Variants in DCDC2 observed in about 807,000 individuals in gnomAD.
DCDC2 encodes the protein doublecortin domain containing 2, also known as doublecortin domain-containing protein 2.
A neutral mutation model predicts 50.2 loss-of-function variants in DCDC2; 40 were observed. The observed-to-expected ratio is 0.80, with a 90% CI of 0.62 to 1.04. DCDC2 has a LOEUF of 1.04. Ranked by LOEUF, DCDC2 falls within the 50% of genes least tolerant of loss-of-function variation. DCDC2 has a pLI of 0.00. For synonymous variants in DCDC2, 234 were observed against 210.6 expected, an observed-to-expected ratio of 1.11 and a Z score of -0.96; for missense variants, 570 against 581.9, an observed-to-expected ratio of 0.98 and a Z score of 0.21.
intron 7 of DCDC2, among the ~76,000 whole-genome samples, chr6:24,238,078 G>GT (rs140189124): frequency 0.057 from 3,204 of 55,926 alleles, 148 homozygotes; most frequent in Middle Eastern, 0.11. Context: ...AAAATAAAAG[G>GT]TTTTTTTTTT....
At chr6:24,185,617 A>C (rs2113745875) in intron 8 of DCDC2, among the ~76,000 whole-genome samples, 1 of 152,084 alleles carries the variant, frequency 6.6e-6, no homozygotes, top group South Asian at 2.1e-4. Context: ...ATTATTAAAG[A>C]TGTTTCCAGT....
rs1201134286 is a variant in DCDC2 at position 24,189,133 on chromosome 6, T to A, written c.1024-10501A>T. 3.9e-5 allele frequency among the ~76,000 whole-genome samples: 6 copies of A among 152,290 alleles called. No homozygotes were observed. The South Asian group carries it at 6.2e-4, about 16-fold the overall frequency. On this transcript the variant is annotated intron_variant, in intron 8 of 9. Coordinates refer to ENST00000378454, the MANE Select transcript of DCDC2 (RefSeq NM_016356.5). ...TGAGTGTATTTTGCCTGAGTTTGCC[T>A]CCATGTGTATCTTGCTATTTATTTT...
At chr6:24,325,313 G>A (rs1440412307) in intron 2 of DCDC2, among the ~76,000 whole-genome samples, 3 of 149,620 alleles carry the variant, frequency 2.0e-5, no homozygotes, top group Non-Finnish European at 4.5e-5. Flanking sequence ...TCCTCTGGGC[G>A]AAAGGAAAAT....
chr6:24,256,454 G>T (rs1762899838), intron 7 of DCDC2, among the ~76,000 whole-genome samples: 1 of 151,900 alleles, frequency 6.6e-6, no homozygotes, highest in Middle Eastern at 3.4e-3. Context: ...CTTTACAGAG[G>T]TAGTCAAGTT....
chr6:24,303,006 C>T (rs79663583), intron 2 of DCDC2, among the ~76,000 whole-genome samples: 4,680 of 152,084 alleles, frequency 0.031, 212 homozygotes, highest in African/African-American at 0.1. Flanking sequence ...CACCATTTTT[C>T]TCCTTTTCTG....
intron 4 of DCDC2, among the ~76,000 whole-genome samples, chr6:24,301,264 G>A (rs373383987): frequency 6.6e-6 from 1 of 151,424 alleles, no homozygotes; most frequent in Non-Finnish European, 1.5e-5. Context: ...CCAGCTACTC[G>A]GGAGGCTGAG....
chr6:24,253,778 GAGTC>G (rs1357882215), intron 7 of DCDC2, among the ~76,000 whole-genome samples: 1 of 152,200 alleles, frequency 6.6e-6, no homozygotes, highest in East Asian at 1.9e-4. Context: ...TGCTCTGGGT[GAGTC>G]AGTGAGTCAG....
chr6:24,266,576 C>G (rs746420983), intron 7 of DCDC2, among the ~76,000 whole-genome samples: 5 of 152,112 alleles, frequency 3.3e-5, no homozygotes, highest in Non-Finnish European at 5.9e-5. Flanking sequence ...AGATGCTCAA[C>G]ATTATTGATC....
chr6:24,364,178 C>G, the DCDC2 span, among the ~76,000 whole-genome samples: 10 of 152,130 alleles, frequency 6.6e-5, no homozygotes, highest in African/African-American at 2.2e-4. Flanking sequence ...CTTCTCTACC[C>G]CACTCCCCAG....
Position 24,247,350 on chromosome 6 carries a change from A to AT in DCDC2, c.922+30698_922+30699insA, listed in dbSNP as rs1762701490. 8.6e-5 allele frequency among the ~76,000 whole-genome samples: 13 copies of AT among 150,602 alleles called. No individual in the cohort carries two copies. The South Asian group carries it at 1.9e-3, about 22-fold the overall frequency. On this transcript the variant is annotated intron_variant, in intron 7 of 9. Coordinates refer to ENST00000378454, the MANE Select transcript of DCDC2 (RefSeq NM_016356.5). ...TTAACTATTTTTATATATATATATA[A>AT]AATCACAGCAAATACCCATAACTTG...
At chr6:24,305,298 T>C (rs1327697937) in intron 2 of DCDC2, among the ~76,000 whole-genome samples, 1 of 152,182 alleles carries the variant, frequency 6.6e-6, no homozygotes, top group Non-Finnish European at 1.5e-5. Flanking sequence ...CAAATGTTCA[T>C]GATTAACCAG....
chr6:24,239,805 G>C (rs1762528251), intron 7 of DCDC2, among the ~76,000 whole-genome samples: 1 of 152,138 alleles, frequency 6.6e-6, no homozygotes, highest in Non-Finnish European at 1.5e-5. Flanking sequence ...AGAATTTTGT[G>C]GGTGTCTGTG....
chr6:24,260,729 A>G (rs946990), intron 7 of DCDC2, among the ~76,000 whole-genome samples: 150,892 of 152,356 alleles, frequency 0.99, 74,739 homozygotes, highest in Middle Eastern at 1. Context: ...CTCTGTTTTA[A>G]CTAGCAAACC....
At chr6:24,331,003 A>G (rs184086637) in intron 2 of DCDC2, among the ~76,000 whole-genome samples, 39 of 152,348 alleles carry the variant, frequency 2.6e-4, no homozygotes, top group Non-Finnish European at 1.8e-4. Flanking sequence ...CAAAAAAATG[A>G]AGGCTTCTTC....
intron 1 of DCDC2, among the ~76,000 whole-genome samples, chr6:24,354,329 A>G (rs1374770346): frequency 6.6e-6 from 1 of 152,180 alleles, no homozygotes; most frequent in Non-Finnish European, 1.5e-5. Flanking sequence ...CTTCATACAT[A>G]AAATGTGCTA....
intron 2 of DCDC2, among the ~76,000 whole-genome samples, chr6:24,331,304 T>A (rs1314405824): frequency 6.6e-6 from 1 of 151,954 alleles, no homozygotes; most frequent in African/African-American, 2.4e-5. Flanking sequence ...TATACCTTTT[T>A]TTTTTTTTAA....
the DCDC2 span, among the ~76,000 whole-genome samples, chr6:24,375,923 C>T: frequency 6.6e-6 from 1 of 152,052 alleles, no homozygotes; most frequent in Non-Finnish European, 1.5e-5. Context: ...GCTGGAGTCT[C>T]AGCTGTATCT....
At chr6:24,261,924 C>T (rs954288116) in intron 7 of DCDC2, among the ~76,000 whole-genome samples, 7 of 152,096 alleles carry the variant, frequency 4.6e-5, no homozygotes, top group Admixed American at 2.0e-4. Context: ...TGGAGCAAGA[C>T]GACCAAATAA....
At chr6:24,212,103 G>C (rs1761884556) in intron 7 of DCDC2, among the ~76,000 whole-genome samples, 2 of 152,252 alleles carry the variant, frequency 1.3e-5, no homozygotes, top group Admixed American at 1.3e-4. Context: ...ACCGTATTGT[G>C]AACTGCACAT....
Sources: gnomAD v4.1 joint callset for allele counts (sites outside exome capture counted in the v4.1 genomes callset) on GRCh38, gnomAD v4.1.1 for gene constraint, MANE v1.5 for transcripts, NCBI Gene and HGNC (gene_info 2026-07-23, HGNC 2026-07-21) for gene names.